Variants in RSBN1L observed in about 807,000 individuals in gnomAD.
The protein encoded by RSBN1L is lysine-specific demethylase RSBN1L.
In RSBN1L, 30 loss-of-function variants were observed where a neutral mutation model predicts 67.7. That is an observed-to-expected ratio of 0.44 (90% CI 0.33 to 0.60). The LOEUF (loss-of-function observed/expected upper bound fraction) is 0.60. RSBN1L is among the 20% of genes least tolerant of loss of function. RSBN1L has a pLI of 0.02. For synonymous variants in RSBN1L, 433 were observed against 387.0 expected (o/e 1.12, Z -1.39); for missense variants, 992 against 1,031.7 (o/e 0.96, Z 0.53).
At chr7:77,747,025 G>A (rs920276682) in intron 2 of RSBN1L, among the ~76,000 whole-genome samples, 1 of 152,174 alleles carries the variant, frequency 6.6e-6, no homozygotes, top group African/African-American at 2.4e-5. Context: ...TTTTTCAAGT[G>A]CGTGGTGCAA....
Position 77,696,579 on chromosome 7 carries a change from C to T in RSBN1L, c.110C>T (p.Pro37Leu). Residue 37 changes from proline (P) to leucine (L), a missense_variant, in exon 1 of 8, where the codon CCG (proline) becomes CTG (leucine). Transcript: ENST00000334955. ...GKLQLSSRDP[P>L]GSLSAKKVRT... is the part of the protein sequence containing the mutation. ...CTGCAACTCTCCTCCCGGGACCCTC[C>T]GGGTTCTCTGTCCGCCAAGAAGGTC... is the stretch of plus-strand genomic sequence containing the variant. The T allele has an allele frequency of 6.2e-7, 1 of 1,614,090 alleles. No homozygotes were observed. Among genetic ancestry groups the T allele is most frequent in the Non-Finnish European group, 8.5e-7 (1 of 1,179,996 alleles).
intron 1 of RSBN1L, among the ~76,000 whole-genome samples, chr7:77,717,119 C>T (rs1400803970): frequency 1.3e-5 from 2 of 151,982 alleles, no homozygotes; most frequent in African/African-American, 4.8e-5. Context: ...CGACACCACT[C>T]CCAGCTGTTT....
At chr7:77,731,540 C>G (rs1367912958) in intron 1 of RSBN1L, among the ~76,000 whole-genome samples, 1 of 152,104 alleles carries the variant, frequency 6.6e-6, no homozygotes, top group Non-Finnish European at 1.5e-5. Context: ...CCAGCCTGGT[C>G]CATTTTTAAT....
chr7:77,765,655 A>G, intron 4 of RSBN1L, 23 bp downstream of exon 4: 1 of 1,523,180 alleles, frequency 6.6e-7, no homozygotes. Flanking sequence ...CTGTCATGGG[A>G]TTAGAGTTTT....
chr7:77,767,079 C>CTTCCCCTTCCCT (rs1277452830), intron 4 of RSBN1L, among the ~76,000 whole-genome samples: 28 of 139,106 alleles, frequency 2.0e-4, no homozygotes, highest in African/African-American at 6.6e-4. Context: ...TTCCCTTCCC[C>CTTCCCCTTCCCT]TTCCCCTTCC....
At chr7:77,721,236 T>C (rs1412828237) in intron 1 of RSBN1L, among the ~76,000 whole-genome samples, 1 of 152,088 alleles carries the variant, frequency 6.6e-6, no homozygotes, top group Non-Finnish European at 1.5e-5. Context: ...GTTTTTTTTT[T>C]TTCTGTGTAT....
chr7:77,759,706 G>GT (rs1472693898), intron 3 of RSBN1L: 1 of 152,024 alleles, frequency 6.6e-6, no homozygotes, highest in East Asian at 1.9e-4. Context: ...AAAAATATCT[G>GT]TATCTCCATA....
At chr7:77,750,508 G>A (rs1007228776) in intron 3 of RSBN1L, among the ~76,000 whole-genome samples, 1 of 152,066 alleles carries the variant, frequency 6.6e-6, no homozygotes, top group Non-Finnish European at 1.5e-5. Flanking sequence ...ATTGTGGTAT[G>A]AAGGAATCAT....
At chr7:77,697,820 G>A (rs1248225585) in intron 1 of RSBN1L, among the ~76,000 whole-genome samples, 1 of 152,156 alleles carries the variant, frequency 6.6e-6, no homozygotes, top group Non-Finnish European at 1.5e-5. Context: ...ATTCTTAAGG[G>A]TTCTTGTCAG....
intron 2 of RSBN1L, among the ~76,000 whole-genome samples, chr7:77,747,371 C>T (rs1372345690): frequency 6.6e-6 from 1 of 152,222 alleles, no homozygotes; most frequent in South Asian, 2.1e-4. Context: ...GTGGCAGCTC[C>T]TCCCATCACA....
intron 1 of RSBN1L, among the ~76,000 whole-genome samples, chr7:77,730,961 A>G (rs1251012569): frequency 6.6e-6 from 1 of 152,254 alleles, no homozygotes. Context: ...CCAGCCTTCC[A>G]GAGTGGCTGT....
intron 3 of RSBN1L, among the ~76,000 whole-genome samples, chr7:77,751,082 G>A (rs773556350): frequency 5.3e-5 from 8 of 152,076 alleles, no homozygotes; most frequent in East Asian, 1.9e-4. Context: ...CATGTACCCC[G>A]CCCCCAATAG....
At chr7:77,713,236 T>C (rs1033885173) in intron 1 of RSBN1L, among the ~76,000 whole-genome samples, 16 of 152,162 alleles carry the variant, frequency 1.1e-4, no homozygotes, top group Admixed American at 3.9e-4. Context: ...CTCTCTAAAC[T>C]ATCATTAGTT....
Position 77,750,041 on chromosome 7 carries a change from A to G in RSBN1L, c.1321A>G (p.Thr441Ala), listed in dbSNP as rs1428359373. The change falls in exon 3 of 8, where the codon ACT becomes GCT. Residue 441 changes from threonine (T) to alanine (A), a missense_variant. This residue lies in a region of RSBN1L where 63 missense variants were observed against 84.8 expected (regional missense o/e 0.74). Coordinates refer to ENST00000334955, the MANE Select transcript of RSBN1L (RefSeq NM_198467.3). ...GGGAAAGAAAGATATAGAGACAACG[A>G]CTATGTCCAATTTTCATGCTCAGGT... is the stretch of plus-strand genomic sequence containing the variant. ...ILGKKDIETT[T>A]MSNFHAQVKR... 3 of 1,596,132 alleles carry G rather than the reference A, an allele frequency of 1.9e-6. No homozygotes were observed. The highest frequency in any genetic ancestry group is 2.6e-6 in the Non-Finnish European group (3 of 1,174,112).
At chr7:77,776,732 T>C (rs1175225808) in intron 6 of RSBN1L, among the ~76,000 whole-genome samples, 2 of 152,126 alleles carry the variant, frequency 1.3e-5, no homozygotes, top group Non-Finnish European at 2.9e-5. Context: ...TCAGCCTTCT[T>C]CTTATTTGTA....
At chr7:77,765,010 C>G (rs1791743260) in intron 3 of RSBN1L, among the ~76,000 whole-genome samples, 1 of 152,006 alleles carries the variant, frequency 6.6e-6, no homozygotes, top group Non-Finnish European at 1.5e-5. Context: ...ATGGTAAGAT[C>G]AAAAAAGAAG....
At chr7:77,757,241 C>T (rs994281272) in intron 3 of RSBN1L, among the ~76,000 whole-genome samples, 3 of 152,198 alleles carry the variant, frequency 2.0e-5, no homozygotes, top group Non-Finnish European at 2.9e-5. Flanking sequence ...ATATACACAA[C>T]ACTGACAAAG....
chr7:77,720,095 T>G (rs1184213764), intron 1 of RSBN1L, among the ~76,000 whole-genome samples: 1 of 152,194 alleles, frequency 6.6e-6, no homozygotes, highest in African/African-American at 2.4e-5. Context: ...CCTCTTACTC[T>G]TTGTGTGTTC....
chr7:77,773,384 G>C lies in RSBN1L; in HGVS notation c.1793+70G>C, dbSNP rs556692230. The C allele has an allele frequency of 2.6e-6, 3 of 1,136,606 alleles. No individual in the cohort carries two copies. The South Asian group carries it at 7.4e-5, about 28-fold the overall frequency. The allele number at this position is 1,136,606 out of a possible 1,614,324, so 70.4% of individuals were successfully genotyped here. A position where few individuals can be genotyped will look rare whatever the true frequency, so the allele number is the denominator to read the frequency against. ...CTACAATTTTTCTTGGAAAATCTTA[G>C]TAATTCCTCCTTACTGTGGGAAAAA... is the stretch of plus-strand genomic sequence containing the variant. On this transcript the variant is annotated intron_variant, in intron 6 of 7. Transcript: ENST00000334955.
Sources: gnomAD v4.1 joint callset for allele counts (sites outside exome capture counted in the v4.1 genomes callset) on GRCh38, gnomAD v4.1.1 for gene constraint, gnomAD v4.1.1 regional missense constraint, MANE v1.5 for transcripts, NCBI Gene and HGNC (gene_info 2026-07-23, HGNC 2026-07-21) for gene names.